Variants in SMIM31 observed in about 807,000 individuals in gnomAD.
The protein encoded by SMIM31 is human epithelial cell program regulator.
At chr4:164,760,568 TA>T (rs557714327) in intron 1 of SMIM31, among the ~76,000 whole-genome samples, 16,691 of 141,396 alleles carry the variant, frequency 0.12, 998 homozygotes, top group African/African-American at 0.16. Flanking sequence ...CCAACTCTAC[TA>T]AAAAAAAAAA....
At chr4:164,787,382 G>A (rs1046447610) in intron 2 of SMIM31, 6 of 151,744 alleles carry the variant, frequency 4.0e-5, no homozygotes, top group African/African-American at 1.5e-4. Flanking sequence ...AATTCATGAA[G>A]TGTTCAATTA....
intron 1 of SMIM31, among the ~76,000 whole-genome samples, chr4:164,761,494 C>A (rs1265320530): frequency 6.6e-6 from 1 of 152,204 alleles, no homozygotes; most frequent in Non-Finnish European, 1.5e-5. Context: ...GTCAATTCCT[C>A]ATGCCTACAG....
At chr4:164,766,712 C>A (rs1420096617) in intron 1 of SMIM31, among the ~76,000 whole-genome samples, 2 of 151,548 alleles carry the variant, frequency 1.3e-5, no homozygotes, top group African/African-American at 4.9e-5. Context: ...GCAGGAGAAT[C>A]GCTTGAACCC....
chr4:164,764,265 T>C (rs1732689309), intron 1 of SMIM31, among the ~76,000 whole-genome samples: 1 of 152,008 alleles, frequency 6.6e-6, no homozygotes, highest in Non-Finnish European at 1.5e-5. Flanking sequence ...GGCAGACCAT[T>C]GAGTTAAAAT....
chr4:164,797,733 G>A (rs1300595094), intron 2 of SMIM31, among the ~76,000 whole-genome samples: 40 of 152,230 alleles, frequency 2.6e-4, no homozygotes, highest in Middle Eastern at 3.4e-3. Context: ...AAAGTGCTGG[G>A]ATTACAGGTG....
At chr4:164,785,039 C>T (rs1579070719) in intron 2 of SMIM31, among the ~76,000 whole-genome samples, 1 of 151,752 alleles carries the variant, frequency 6.6e-6, no homozygotes, top group Admixed American at 6.6e-5. Context: ...GCTTGGGCAA[C>T]GTGGCAAAAC....
At chr4:164,761,470 T>C (rs1210117720) in intron 1 of SMIM31, among the ~76,000 whole-genome samples, 2 of 152,186 alleles carry the variant, frequency 1.3e-5, no homozygotes, top group Admixed American at 1.3e-4. Context: ...TTTCACATTA[T>C]AAAAGAAGCC....
chr4:164,803,664 C>T lies in SMIM31; in HGVS notation c.*2470C>T, dbSNP rs775430211. ...ACAAAAATTAGCCAGGCGTGGTGGTCCATGCCTGTAATCCTAGCTACTCAG... is the reference window on the plus strand; with the variant it reads ...ACAAAAATTAGCCAGGCGTGGTGGTTCATGCCTGTAATCCTAGCTACTCAG... On this transcript the variant is annotated 3_prime_UTR_variant, in exon 3 of 3. Coordinates refer to ENST00000507311, the MANE Select transcript of SMIM31 (RefSeq NM_001352885.1). The T allele has an allele frequency of 1.3e-5, 2 of 150,552 alleles. No homozygotes were observed. Among genetic ancestry groups the T allele is most frequent in the Non-Finnish European group, 3.0e-5 (2 of 67,680 alleles). 9.3% of individuals were successfully genotyped at this position (150,552 alleles called of 1,614,324 possible).
At chr4:164,759,532 C>G (rs529149557) in intron 1 of SMIM31, among the ~76,000 whole-genome samples, 1 of 152,160 alleles carries the variant, frequency 6.6e-6, no homozygotes, top group Non-Finnish European at 1.5e-5. Flanking sequence ...AGGTATGACT[C>G]GAATGGGTAA....
intron 2 of SMIM31, among the ~76,000 whole-genome samples, chr4:164,781,879 T>C (rs996135075): frequency 2.6e-5 from 4 of 152,340 alleles, no homozygotes; most frequent in Admixed American, 1.3e-4. Context: ...GAAGAAGATT[T>C]GACTACAAAG....
At chr4:164,772,649 A>G (rs376865418) in intron 2 of SMIM31, among the ~76,000 whole-genome samples, 3,429 of 148,454 alleles carry the variant, frequency 0.023, 57 homozygotes, top group East Asian at 0.033. Context: ...CGCGATCTCG[A>G]CTCACTGCAA....
chr4:164,758,826 T>A (rs1267576115), intron 1 of SMIM31, among the ~76,000 whole-genome samples: 1 of 74,508 alleles, frequency 1.3e-5, no homozygotes, highest in African/African-American at 3.7e-5. Context: ...TTTTTTTTTT[T>A]TTTTTTTTTT....
At chr4:164,759,656 CTTCA>C (rs138287277) in intron 1 of SMIM31, among the ~76,000 whole-genome samples, 2,318 of 152,124 alleles carry the variant, frequency 0.015, 21 homozygotes, top group Middle Eastern at 0.041. Flanking sequence ...TTCATTAGAT[CTTCA>C]TTCATTCATT....
chr4:164,789,446 T>C (rs1450907495), intron 2 of SMIM31, among the ~76,000 whole-genome samples: 2 of 152,246 alleles, frequency 1.3e-5, no homozygotes, highest in African/African-American at 4.8e-5. Flanking sequence ...AGTCATCTTG[T>C]CATTTAACCT....
chr4:164,797,906 C>T (rs758271708), intron 2 of SMIM31, among the ~76,000 whole-genome samples: 4 of 152,086 alleles, frequency 2.6e-5, no homozygotes, highest in Non-Finnish European at 2.9e-5. Flanking sequence ...CTTTTGTTGT[C>T]CCTAATGTCT....
At chr4:164,799,626 G>T (rs1733257452) in intron 2 of SMIM31, among the ~76,000 whole-genome samples, 1 of 152,124 alleles carries the variant, frequency 6.6e-6, no homozygotes, top group Admixed American at 6.6e-5. Flanking sequence ...AAGGCCATCT[G>T]CTTTACTGAG....
chr4:164,759,915 A>C (rs1003508433), intron 1 of SMIM31, among the ~76,000 whole-genome samples: 4 of 152,332 alleles, frequency 2.6e-5, no homozygotes, highest in Admixed American at 1.3e-4. Context: ...GGGAGTTCCA[A>C]CTTTTAATAT....
intron 2 of SMIM31, among the ~76,000 whole-genome samples, chr4:164,778,257 T>C (rs574071937): frequency 6.6e-6 from 1 of 152,188 alleles, no homozygotes; most frequent in South Asian, 2.1e-4. Flanking sequence ...ACATAAACCT[T>C]TCAGCACTCA....
At chr4:164,771,122 A>G (rs889049963) in intron 2 of SMIM31, among the ~76,000 whole-genome samples, 1 of 152,232 alleles carries the variant, frequency 6.6e-6, no homozygotes, top group Non-Finnish European at 1.5e-5. Context: ...CAATCCCATC[A>G]ATTCTTGACT....
Sources: allele counts gnomAD v4.1 joint callset (sites outside exome capture counted in the v4.1 genomes callset), GRCh38; gene constraint gnomAD v4.1.1; transcripts MANE v1.5; gene names NCBI Gene and HGNC (gene_info 2026-07-23, HGNC 2026-07-21).